The following SLC25A13 variants were observed in gnomAD, a reference collection of about 807,000 sequenced individuals.
SLC25A13 encodes the protein electrogenic aspartate/glutamate antiporter SLC25A13, mitochondrial.
SLC25A13 carries 70 observed loss-of-function variants against 85.5 expected under a neutral mutation model. That is an observed-to-expected ratio of 0.82 (90% CI 0.68 to 1.00). SLC25A13 has a LOEUF of 1.00. SLC25A13 is among the 50% of genes least tolerant of loss of function. The pLI is 0.00. For synonymous variants in SLC25A13, 259 were observed against 288.7 expected, an observed-to-expected ratio of 0.90 and a Z score of 1.04; for missense variants, 765 against 819.8, an observed-to-expected ratio of 0.93 and a Z score of 0.82.
At chr7:96,295,877 ATG>A (rs1799328403) in intron 2 of SLC25A13, among the ~76,000 whole-genome samples, 1 of 151,114 alleles carries the variant, frequency 6.6e-6, no homozygotes, top group Admixed American at 6.6e-5. Context: ...TATATCATAT[ATG>A]TGTGTGTATA....
rs373513833 is a variant in SLC25A13 at position 96,292,184 on chromosome 7, T to G, written c.69+4714A>C. 1.1e-3 allele frequency among the ~76,000 whole-genome samples: 160 copies of G among 152,218 alleles called. 2 individuals are homozygous for G. The East Asian group carries it at 0.027, about 26-fold the overall frequency. On this transcript the variant is annotated intron_variant, in intron 2 of 17. Transcript: ENST00000265631. ...ACAGAACCAAAGACAAAAACCACAT[T>G]ATTATCTCAATAGATGCAGAAAAGG...
chr7:96,159,720 T>C (rs929156614), intron 13 of SLC25A13, among the ~76,000 whole-genome samples: 1 of 152,008 alleles, frequency 6.6e-6, no homozygotes, highest in Admixed American at 6.5e-5. Context: ...GGTATGAAAA[T>C]AAAACTCTTA....
At chr7:96,315,784 A>G (rs911277626) in intron 1 of SLC25A13, among the ~76,000 whole-genome samples, 8 of 152,172 alleles carry the variant, frequency 5.3e-5, no homozygotes, top group Non-Finnish European at 1.0e-4. Flanking sequence ...GTTTTTACAT[A>G]GGGGAGAAAA....
intron 11 of SLC25A13, among the ~76,000 whole-genome samples, chr7:96,180,619 G>A (rs892822598): frequency 3.9e-5 from 6 of 152,150 alleles, no homozygotes; most frequent in Non-Finnish European, 7.3e-5. Context: ...ATAAGCCACC[G>A]TACCCGGCCA....
In SLC25A13 at chr7:96,155,276, G is replaced by C. The variant is rs562858013; in HGVS notation, c.1312-8580C>G. ...CTGGTATGAGACTTCTCTCTTACCA[G>C]TTGTGTAAGGATTTTTTTTCAAAGG... is the stretch of plus-strand genomic sequence containing the variant. On this transcript the variant is annotated intron_variant, in intron 13 of 17. Transcript: ENST00000265631. Among the ~76,000 whole-genome samples, 3 of 152,302 alleles carry C rather than the reference G, an allele frequency of 2.0e-5. No individual in the cohort carries two copies. In the South Asian group the frequency reaches 6.2e-4, roughly 32 times the overall value.
intron 5 of SLC25A13, among the ~76,000 whole-genome samples, chr7:96,194,412 C>T (rs1408149775): frequency 8.4e-6 from 1 of 119,364 alleles, no homozygotes; most frequent in African/African-American, 3.2e-5. Context: ...CGCCACACTC[C>T]AGCCTGGGTG....
chr7:96,302,882 C>G (rs1799601857), intron 1 of SLC25A13, among the ~76,000 whole-genome samples: 1 of 152,156 alleles, frequency 6.6e-6, no homozygotes, highest in Admixed American at 6.5e-5. Flanking sequence ...TTTAACAAGC[C>G]CTCCAGGTGA....
chr7:96,263,026 G>GAAAAAAA, intron 3 of SLC25A13, among the ~76,000 whole-genome samples: 2 of 133,282 alleles, frequency 1.5e-5, no homozygotes, highest in Non-Finnish European at 3.2e-5. Flanking sequence ...AACCATCTAG[G>GAAAAAAA]AAAAAAAAAA....
intron 5 of SLC25A13, among the ~76,000 whole-genome samples, chr7:96,199,864 T>G (rs1454035464): frequency 1.3e-5 from 2 of 152,116 alleles, no homozygotes; most frequent in African/African-American, 2.4e-5. Flanking sequence ...CTTCTAATAG[T>G]TCCAGGCCTG....
intron 13 of SLC25A13, among the ~76,000 whole-genome samples, chr7:96,168,115 A>AAAAAAAAAAAAAAAAAAC (rs1793841571): frequency 7.0e-6 from 1 of 141,882 alleles, no homozygotes; most frequent in East Asian, 2.0e-4. Context: ...AAAAAAAAAA[A>AAAAAAAAAAAAAAAAAAC]AAAAAAAAAA....
At chr7:96,173,007 C>A (rs1353766975) in intron 11 of SLC25A13, among the ~76,000 whole-genome samples, 1 of 152,244 alleles carries the variant, frequency 6.6e-6, no homozygotes. Flanking sequence ...ATCCGCCTGC[C>A]TTGGCCTTCC....
intron 3 of SLC25A13, among the ~76,000 whole-genome samples, chr7:96,276,039 A>T (rs2116935404): frequency 6.6e-6 from 1 of 152,322 alleles, no homozygotes; most frequent in South Asian, 2.1e-4. Context: ...ATAAATAGAG[A>T]AAATTCAGAG....
At chr7:96,145,770 T>G in intron 14 of SLC25A13, among the ~76,000 whole-genome samples, 1 of 152,228 alleles carries the variant, frequency 6.6e-6, no homozygotes, top group Non-Finnish European at 1.5e-5. Context: ...ATGAATAATT[T>G]TAATATTTCT....
chr7:96,187,600 C>G (rs1383767253), intron 9 of SLC25A13, among the ~76,000 whole-genome samples: 1 of 152,104 alleles, frequency 6.6e-6, no homozygotes, highest in Non-Finnish European at 1.5e-5. Context: ...TGAAAATACT[C>G]TGAAAATTAT....
chr7:96,124,102 T>C (rs1476738233), intron 15 of SLC25A13, among the ~76,000 whole-genome samples: 2 of 152,126 alleles, frequency 1.3e-5, no homozygotes, highest in Non-Finnish European at 2.9e-5. Flanking sequence ...TTGGGGCATG[T>C]CTCAACCAAT....
intron 11 of SLC25A13, among the ~76,000 whole-genome samples, chr7:96,173,106 AT>A (rs919249860): frequency 1.9e-4 from 29 of 152,252 alleles, no homozygotes; most frequent in African/African-American, 6.7e-4. Context: ...AATTGATAAA[AT>A]TTTTTCTTTG....
intron 3 of SLC25A13, among the ~76,000 whole-genome samples, chr7:96,239,686 A>C (rs1796893269): frequency 6.6e-6 from 1 of 152,194 alleles, no homozygotes; most frequent in Non-Finnish European, 1.5e-5. Context: ...CAAATGTACA[A>C]GTCACATTTC....
chr7:96,227,496 A>G (rs1803684413), intron 4 of SLC25A13, among the ~76,000 whole-genome samples: 1 of 152,226 alleles, frequency 6.6e-6, no homozygotes, highest in Admixed American at 6.5e-5. Flanking sequence ...AGATAATCTT[A>G]AAGAATAAAG....
chr7:96,188,735 A>C (rs1006939505), intron 9 of SLC25A13, among the ~76,000 whole-genome samples: 3 of 152,250 alleles, frequency 2.0e-5, no homozygotes, highest in Non-Finnish European at 2.9e-5. Flanking sequence ...CCATAAAATA[A>C]AATTTAGCAT....
Sources: allele counts gnomAD v4.1 joint callset (sites outside exome capture counted in the v4.1 genomes callset), GRCh38; gene constraint gnomAD v4.1.1; transcripts MANE v1.5; gene names NCBI Gene and HGNC (gene_info 2026-07-23, HGNC 2026-07-21).